PYCARD: variants seen among roughly 807,000 people sequenced by gnomAD.
PYCARD encodes the protein apoptosis-associated speck-like protein containing a CARD.
Under a neutral mutation model 10.0 loss-of-function variants are expected in PYCARD, and 10 were observed. The observed-to-expected ratio is 1.00, with a 90% CI of 0.62 to 1.69. The LOEUF is 1.69. Ranked by LOEUF, PYCARD falls within the 40% of genes most tolerant of loss-of-function variation. The probability of loss-of-function intolerance (pLI) is 0.00; values close to 1 mark genes in which losing one functional copy is unlikely to be tolerated. For synonymous variants in PYCARD, 121 were observed against 122.3 expected (o/e 0.99, Z 0.07); for missense variants, 239 against 260.2 (o/e 0.92, Z 0.56).
At position 31,201,551 on chromosome 16, in the gene PYCARD, C is replaced by T; in HGVS notation, c.*34G>A. ...ATTCAGGATGATTTGGTGGGATTGCCAGGGGCTGACCGGAGTGTTGCTGGG... is the reference window on the plus strand; with the variant it reads ...ATTCAGGATGATTTGGTGGGATTGCTAGGGGCTGACCGGAGTGTTGCTGGG... On this transcript the variant is annotated 3_prime_UTR_variant, in exon 3 of 3. Transcript: ENST00000247470. 5 of 1,599,020 alleles carry T rather than the reference C, an allele frequency of 3.1e-6. No homozygotes were observed. The highest frequency in any genetic ancestry group is 2.2e-5 in the East Asian group (1 of 44,574).
chr16:31,202,102 C>CT lies in PYCARD; in HGVS notation c.331+44dup, dbSNP rs1567488033. ...CTGGTTGCGGGAGCACAGATGCAGG[C>CT]TGTGCAGGAGTGCGGTGGGGCCGGG... On this transcript the variant is annotated intron_variant, in intron 2 of 2. Transcript: ENST00000247470. This position sits in a 1 kb window ranked among gnomAD's most constrained non-coding sequence, Gnocchi z 4.5. 1.3e-6 allele frequency: 2 copies of CT among 1,589,578 alleles called. No individual in the cohort carries two copies. The highest frequency in any genetic ancestry group is 1.7e-6 in the Non-Finnish European group (2 of 1,170,310).
chr16:31,201,746 C>G lies in PYCARD; in HGVS notation c.427G>C (p.Asp143His), dbSNP rs767576322. The stretch of plus-strand genomic sequence containing the variant: ...GCCCGCACTGCCTGGTACTGCTCAT[C>G]CGTCAGGACCTTCCCGTACAGAGCA... ...LDALYGKVLTDEQYQAVRAEP... is the reference protein window; with the variant it reads ...LDALYGKVLTHEQYQAVRAEP... Residue 143 changes from aspartate to histidine, a missense_variant, in exon 3 of 3, where the codon GAT (aspartate) becomes CAT (histidine). Transcript: ENST00000247470. The G allele has an allele frequency of 6.2e-7, 1 of 1,614,150 alleles. No homozygotes were observed. The highest frequency in any genetic ancestry group is 2.2e-5 in the East Asian group (1 of 44,882).
At position 31,202,226 on chromosome 16, in the gene PYCARD, A is replaced by T. The variant is rs2079448742; in HGVS notation, c.275-23T>A. ...AGCCTGGAAGGATATGGGCCAAGTGATCCCCTTCCCTTCCCTTCCCGCCGT... is the reference window on the plus strand; with the variant it reads ...AGCCTGGAAGGATATGGGCCAAGTGTTCCCCTTCCCTTCCCTTCCCGCCGT... On this transcript the variant is annotated intron_variant, in intron 1 of 2. Transcript: ENST00000247470. This position sits in a 1 kb window ranked among gnomAD's most constrained non-coding sequence, Gnocchi z 4.5. The T allele has an allele frequency of 5.0e-6, 8 of 1,600,490 alleles. No homozygotes were observed. The highest frequency in any genetic ancestry group is 1.7e-5 in the Admixed American group (1 of 59,844).
In PYCARD at chr16:31,202,341, G is replaced by T; in HGVS notation, c.274+76C>A. On this transcript the variant is annotated intron_variant, in intron 1 of 2. Coordinates refer to ENST00000247470, the MANE Select transcript of PYCARD (RefSeq NM_013258.5). The surrounding 1 kb of genome is among the most constrained non-coding windows in gnomAD (Gnocchi z 4.5). ...TGTTTAGGGGTAGGAGGAACAGAAA[G>T]CGGAAGAGCCCGCGGGGTAAGCGCT... The T allele has an allele frequency of 6.5e-7, 1 of 1,533,472 alleles. No individual in the cohort carries two copies. The highest frequency in any genetic ancestry group is 1.4e-5 in the African/African-American group (1 of 73,088). The allele number at this position is 1,533,472 out of a possible 1,614,324, so 95.0% of individuals were successfully genotyped here.
Position 31,202,218 on chromosome 16 carries a change from G to GC in PYCARD, c.275-16dup, listed in dbSNP as rs1416606822. 2 of 1,601,904 alleles carry GC rather than the reference G, an allele frequency of 1.2e-6. No individual in the cohort carries two copies. The highest frequency in any genetic ancestry group is 2.7e-5 in the African/African-American group (2 of 74,930). ...GGCTCCAGAGCCTGGAAGGATATGG[G>GC]CCAAGTGATCCCCTTCCCTTCCCTT... On this transcript the variant is annotated splice_polypyrimidine_tract_variant and intron_variant, in intron 1 of 2. Transcript: ENST00000247470. The surrounding 1 kb of genome is among the most constrained non-coding windows in gnomAD (Gnocchi z 4.5).
chr16:31,201,661 C>T lies in PYCARD; in HGVS notation c.512G>A (p.Trp171Ter). Residue 171 changes from tryptophan to a stop codon, truncating the protein, a stop_gained, in exon 3 of 3, where the codon TGG becomes TAG. Coordinates refer to ENST00000247470, the MANE Select transcript of PYCARD (RefSeq NM_013258.5). LOFTEE classifies it low-confidence loss of function (END_TRUNC). ...KLFSFTPAWN[W>*]TCKDLLLQAL... ...CTGGAGGAGCAAGTCCTTGCAGGTCCAGTTCCAGGCTGGTGTGAAACTGAA... is the reference window on the plus strand; with the variant it reads ...CTGGAGGAGCAAGTCCTTGCAGGTCTAGTTCCAGGCTGGTGTGAAACTGAA... 6.2e-7 allele frequency: 1 copy of T among 1,614,220 alleles called. No homozygotes were observed. The highest frequency in any genetic ancestry group is 8.5e-7 in the Non-Finnish European group (1 of 1,180,036).
Position 31,202,296 on chromosome 16 carries a change from C to T in PYCARD, c.275-93G>A, listed in dbSNP as rs2079449459. 1.3e-6 allele frequency: 2 copies of T among 1,551,324 alleles called. No individual in the cohort carries two copies. Among genetic ancestry groups the T allele is most frequent in the East Asian group, 2.4e-5 (1 of 41,984 alleles). On this transcript the variant is annotated intron_variant, in intron 1 of 2. Coordinates refer to ENST00000247470, the MANE Select transcript of PYCARD (RefSeq NM_013258.5). This position sits in a 1 kb window ranked among gnomAD's most constrained non-coding sequence, Gnocchi z 4.5. The stretch of plus-strand genomic sequence containing the variant: ...TCGGTAGGCCAAGCGTGGGGAGCCT[C>T]CTTTCCGGTAGAGCAGCTTTGTTTA...
At position 31,202,241 on chromosome 16, in the gene PYCARD, C is replaced by A; in HGVS notation, c.275-38G>T. On this transcript the variant is annotated intron_variant, in intron 1 of 2. Transcript: ENST00000247470. This position sits in a 1 kb window ranked among gnomAD's most constrained non-coding sequence, Gnocchi z 4.5. Reference sequence around the variant, plus strand: ...GGGCCAAGTGATCCCCTTCCCTTCCCTTCCCGCCGTGGGGCCGGGGTCCCG... The same window carrying A: ...GGGCCAAGTGATCCCCTTCCCTTCCATTCCCGCCGTGGGGCCGGGGTCCCG... 2 of 1,594,786 alleles carry A rather than the reference C, an allele frequency of 1.3e-6. No individual in the cohort carries two copies. The highest frequency in any genetic ancestry group is 1.1e-5 in the South Asian group (1 of 90,060).
At position 31,202,208 on chromosome 16, in the gene PYCARD, A is replaced by G. The variant is rs759210050; in HGVS notation, c.275-5T>C. ...CAGCTGGCGCGGCTCCAGAGCCTGG[A>G]AGGATATGGGCCAAGTGATCCCCTT... On this transcript the variant is annotated splice_polypyrimidine_tract_variant and splice_region_variant and intron_variant, in intron 1 of 2. Transcript: ENST00000247470. This position sits in a 1 kb window ranked among gnomAD's most constrained non-coding sequence, Gnocchi z 4.5. The G allele has an allele frequency of 3.7e-6, 6 of 1,603,236 alleles. No homozygotes were observed. The Admixed American group carries it at 1.0e-4, about 27-fold the overall frequency.
chr16:31,202,729 C>A lies in PYCARD; in HGVS notation c.-39G>T. 6.6e-7 allele frequency: 1 copy of A among 1,517,834 alleles called. No individual in the cohort carries two copies. The highest frequency in any genetic ancestry group is 1.4e-5 in the African/African-American group (1 of 72,256). 94.0% of individuals were successfully genotyped at this position (1,517,834 alleles called of 1,614,324 possible). A position where few individuals can be genotyped will look rare whatever the true frequency, so the allele number is the denominator to read the frequency against. On this transcript the variant is annotated 5_prime_UTR_variant, in exon 1 of 3. Coordinates refer to ENST00000247470, the MANE Select transcript of PYCARD (RefSeq NM_013258.5). This position sits in a 1 kb window ranked among gnomAD's most constrained non-coding sequence, Gnocchi z 4.5. ...CCGGCCGCTGCCGCCGCTCACCCCGCTGCAGCCGCCGACCAGGAGGAAGTC... is the reference window on the plus strand; with the variant it reads ...CCGGCCGCTGCCGCCGCTCACCCCGATGCAGCCGCCGACCAGGAGGAAGTC...
At position 31,202,445 on chromosome 16, in the gene PYCARD, G is replaced by C. The variant is rs1045036434; in HGVS notation, c.246C>G (p.Ala82=). Residue 82 remains alanine, a synonymous_variant, in exon 1 of 3, where the codon GCC becomes GCG. Coordinates refer to ENST00000247470, the MANE Select transcript of PYCARD (RefSeq NM_013258.5). This position sits in a 1 kb window ranked among gnomAD's most constrained non-coding sequence, Gnocchi z 4.5. Reference sequence around the variant, plus strand: ...GGTGCGTGGCCGCCTGCAGCTGCCCGGCCATCTCCTGCAGGCCCATGTCGC... The same window carrying C: ...GGTGCGTGGCCGCCTGCAGCTGCCCCGCCATCTCCTGCAGGCCCATGTCGC... ...VLRDMGLQEM[A]GQLQAATHQG... 5 of 1,553,606 alleles carry C rather than the reference G, an allele frequency of 3.2e-6. No individual in the cohort carries two copies. Among genetic ancestry groups the C allele is most frequent in the South Asian group, 2.3e-5 (2 of 85,366 alleles).
chr16:31,202,504 T>C lies in PYCARD; in HGVS notation c.187A>G (p.Thr63Ala). The change falls in exon 1 of 3, where the codon ACC becomes GCC. Residue 63 changes from threonine to alanine, a missense_variant. Coordinates refer to ENST00000247470, the MANE Select transcript of PYCARD (RefSeq NM_013258.5). This position sits in a 1 kb window ranked among gnomAD's most constrained non-coding sequence, Gnocchi z 4.5. ...TTAGCGGTGAGCTCGGCGCCGTAGG[T>C]CTCCAGGTAGAAGCTGACCAGCTTG... is the stretch of plus-strand genomic sequence containing the variant. ...TDKLVSFYLE[T>A]YGAELTANVL... 2 of 1,607,368 alleles carry C rather than the reference T, an allele frequency of 1.2e-6. No homozygotes were observed. Among genetic ancestry groups the C allele is most frequent in the Non-Finnish European group, 1.7e-6 (2 of 1,177,756 alleles).
In PYCARD at chr16:31,201,541, G is replaced by A; in HGVS notation, c.*44C>T. ...AAAAGATCAGATTCAGGATGATTTG[G>A]TGGGATTGCCAGGGGCTGACCGGAG... is the stretch of plus-strand genomic sequence containing the variant. On this transcript the variant is annotated 3_prime_UTR_variant, in exon 3 of 3. Coordinates refer to ENST00000247470, the MANE Select transcript of PYCARD (RefSeq NM_013258.5). 6.3e-7 allele frequency: 1 copy of A among 1,590,194 alleles called. No homozygotes were observed. Among genetic ancestry groups the A allele is most frequent in the South Asian group, 1.1e-5 (1 of 89,970 alleles).
Position 31,202,030 on chromosome 16 carries a change from GGGGTGCGCA to G in PYCARD, c.331+108_331+116del. 3 of 1,460,586 alleles carry G rather than the reference GGGGTGCGCA, an allele frequency of 2.1e-6. No homozygotes were observed. Among genetic ancestry groups the G allele is most frequent in the Non-Finnish European group, 9.1e-7 (1 of 1,094,342 alleles). 90.5% of individuals were successfully genotyped at this position (1,460,586 alleles called of 1,614,324 possible). Reference sequence around the variant, plus strand: ...CCCCGCAGGGTGTGGGTTGGTGGGTGGGGTGCGCAGGGTTGCCAAGCCGTGCCTGCCCTG... The same window carrying G: ...CCCCGCAGGGTGTGGGTTGGTGGGTGGGGTTGCCAAGCCGTGCCTGCCCTG... On this transcript the variant is annotated intron_variant, in intron 2 of 2. Coordinates refer to ENST00000247470, the MANE Select transcript of PYCARD (RefSeq NM_013258.5). This position sits in a 1 kb window ranked among gnomAD's most constrained non-coding sequence, Gnocchi z 4.5.
Position 31,201,513 on chromosome 16 carries a change from A to G in PYCARD, c.*72T>C. The G allele has an allele frequency of 6.4e-7, 1 of 1,562,088 alleles. No homozygotes were observed. Among genetic ancestry groups the G allele is most frequent in the Admixed American group, 1.9e-5 (1 of 52,672 alleles). On this transcript the variant is annotated 3_prime_UTR_variant, in exon 3 of 3. Coordinates refer to ENST00000247470, the MANE Select transcript of PYCARD (RefSeq NM_013258.5). ...CAAGCTGGCTTTTCGTATATTGTGT[A>G]TAAAAAGATCAGATTCAGGATGATT... is the stretch of plus-strand genomic sequence containing the variant.
At position 31,202,720 on chromosome 16, in the gene PYCARD, C is replaced by T. The variant is rs1471065156; in HGVS notation, c.-30G>A. ...CCAGGATCCCCGGCCGCTGCCGCCG[C>T]TCACCCCGCTGCAGCCGCCGACCAG... is the stretch of plus-strand genomic sequence containing the variant. On this transcript the variant is annotated 5_prime_UTR_variant, in exon 1 of 3. Transcript: ENST00000247470. This position sits in a 1 kb window ranked among gnomAD's most constrained non-coding sequence, Gnocchi z 4.5. 6.6e-7 allele frequency: 1 copy of T among 1,524,316 alleles called. No homozygotes were observed. Among genetic ancestry groups the T allele is most frequent in the Middle Eastern group, 2.2e-4 (1 of 4,502 alleles). The allele number at this position is 1,524,316 out of a possible 1,614,324, so 94.4% of individuals were successfully genotyped here.
In PYCARD at chr16:31,202,532, G is replaced by A. The variant is rs961146879; in HGVS notation, c.159C>T (p.Thr53=). The change falls in exon 1 of 3, where the codon ACC becomes ACT. Residue 53 remains threonine (T), a synonymous_variant. Coordinates refer to ENST00000247470, the MANE Select transcript of PYCARD (RefSeq NM_013258.5). The surrounding 1 kb of genome is among the most constrained non-coding windows in gnomAD (Gnocchi z 4.5). ...ALLSMDALDL[T]DKLVSFYLET... is the part of the protein sequence containing the mutation. Reference sequence around the variant, plus strand: ...CCAGGTAGAAGCTGACCAGCTTGTCGGTGAGGTCCAAGGCGTCCATGGACA... The same window carrying A: ...CCAGGTAGAAGCTGACCAGCTTGTCAGTGAGGTCCAAGGCGTCCATGGACA... 2 of 1,611,900 alleles carry A rather than the reference G, an allele frequency of 1.2e-6. No homozygotes were observed. The highest frequency in any genetic ancestry group is 1.7e-6 in the Non-Finnish European group (2 of 1,179,522).
Position 31,201,582 on chromosome 16 carries a change from G to C in PYCARD, c.*3C>G. On this transcript the variant is annotated 3_prime_UTR_variant, in exon 3 of 3. Transcript: ENST00000247470. Reference sequence around the variant, plus strand: ...CTGACCGGAGTGTTGCTGGGAAGGAGCCTCAGCTCCGCTCCAGGTCCTCCA... The same window carrying C: ...CTGACCGGAGTGTTGCTGGGAAGGACCCTCAGCTCCGCTCCAGGTCCTCCA... 3 of 1,610,322 alleles carry C rather than the reference G, an allele frequency of 1.9e-6. No homozygotes were observed. The highest frequency in any genetic ancestry group is 2.5e-6 in the Non-Finnish European group (3 of 1,177,172).
chr16:31,202,586 G>T lies in PYCARD; in HGVS notation c.105C>A (p.Gly35=). 1 of 1,612,964 alleles carries T rather than the reference G, an allele frequency of 6.2e-7. No individual in the cohort carries two copies. The highest frequency in any genetic ancestry group is 8.5e-7 in the Non-Finnish European group (1 of 1,179,732). The change falls in exon 1 of 3, where the codon GGC becomes GGA. Residue 35 remains glycine (G), a synonymous_variant. Transcript: ENST00000247470. The surrounding 1 kb of genome is among the most constrained non-coding windows in gnomAD (Gnocchi z 4.5). ...LKLLSVPLRE[G]YGRIPRGALL... Reference sequence around the variant, plus strand: ...GCGCGCCCCGCGGGATGCGCCCGTAGCCCTCGCGCAGCGGCACCGACAGCA... The same window carrying T: ...GCGCGCCCCGCGGGATGCGCCCGTATCCCTCGCGCAGCGGCACCGACAGCA...
Sources: allele counts gnomAD v4.1 joint callset, GRCh38; gene constraint gnomAD v4.1.1; non-coding constraint Gnocchi (gnomAD v3.1); transcripts MANE v1.5; gene names NCBI Gene and HGNC (gene_info 2026-07-23, HGNC 2026-07-21).